The following HMCN2 variants were observed in gnomAD, a reference collection of about 807,000 sequenced individuals.
HMCN2 encodes the protein hemicentin 2.
HMCN2 carries 325 observed loss-of-function variants against 377.5 expected under a neutral mutation model. The ratio of observed to expected loss-of-function variants is 0.86; its 90% confidence interval spans 0.79 to 0.94. The LOEUF (loss-of-function observed/expected upper bound fraction) is 0.94. Ranked by LOEUF, HMCN2 falls within the 40% of genes least tolerant of loss-of-function variation. HMCN2 has a pLI of 0.00. For synonymous variants in HMCN2, 2,007 were observed against 2,046.8 expected (o/e 0.98, Z 0.53); for missense variants, 4,543 against 4,725.3 (o/e 0.96, Z 1.13).
intron 1 of HMCN2, among the ~76,000 whole-genome samples, chr9:130,267,519 G>A (rs549777388): frequency 6.6e-6 from 1 of 152,096 alleles, no homozygotes; most frequent in Admixed American, 6.5e-5. Flanking sequence ...GTGTTCTTGT[G>A]CTGAAGAAAT....
At chr9:130,373,687 G>A (rs9776496) in intron 48 of HMCN2, among the ~76,000 whole-genome samples, 68,671 of 117,974 alleles carry the variant, frequency 0.58, 22,917 homozygotes, top group Admixed American at 0.69. Context: ...ATGGATGGAT[G>A]GATAGATGGA....
Position 130,360,036 on chromosome 9 carries a change from G to A in HMCN2, c.5774-392G>A, listed in dbSNP as rs948242876. Among the ~76,000 whole-genome samples, 3 of 152,106 alleles carry A rather than the reference G, an allele frequency of 2.0e-5. No individual in the cohort carries two copies. The highest frequency in any genetic ancestry group is 7.2e-5 in the African/African-American group (3 of 41,390). ...TGTTCTCTAATGCCCCCTAGGGGAC[G>A]GGGTCTTCTGGTAGGGGGAGGGCAG... On this transcript the variant is annotated intron_variant, in intron 37 of 97. Transcript: ENST00000683500. This position sits in a 1 kb window ranked among gnomAD's most constrained non-coding sequence, Gnocchi z 4.7.
At chr9:130,427,157 G>T (rs1359915274) in intron 90 of HMCN2, among the ~76,000 whole-genome samples, 156 bp from the exon 91 acceptor site, 1 of 152,228 alleles carries the variant, frequency 6.6e-6, no homozygotes, top group Non-Finnish European at 1.5e-5. Context: ...CCTCCAACAG[G>T]CCTGGGCAGG....
Position 130,414,499 on chromosome 9 carries a change from A to G in HMCN2, c.12961+3847A>G, listed in dbSNP as rs1020178876. On this transcript the variant is annotated intron_variant, in intron 85 of 97. Transcript: ENST00000683500. The surrounding 1 kb of genome is among the most constrained non-coding windows in gnomAD (Gnocchi z 4.4). ...TCTTACAATACTGAAACTCACTTAC[A>G]CACCAGGAACAAGGAAAAGCTCAAC... Among the ~76,000 whole-genome samples, 1 of 152,192 alleles carries G rather than the reference A, an allele frequency of 6.6e-6. No homozygotes were observed. The highest frequency in any genetic ancestry group is 2.4e-5 in the African/African-American group (1 of 41,454).
chr9:130,358,138 C>A (rs1392009146), intron 35 of HMCN2, 150 bp downstream of exon 35: 15 of 736,144 alleles, frequency 2.0e-5, no homozygotes, highest in Non-Finnish European at 2.9e-5. Context: ...GAGCCTCAGC[C>A]TCTTCCGGGT....
In HMCN2 at chr9:130,354,814, T is replaced by C. The variant is rs911535244; in HGVS notation, c.4916T>C (p.Val1639Ala). 1.6e-5 allele frequency: 21 copies of C among 1,304,174 alleles called. No individual in the cohort carries two copies. In the African/African-American group the frequency reaches 2.4e-4, roughly 15 times the overall value. The allele number at this position is 1,304,174 out of a possible 1,614,324, so 80.8% of individuals were successfully genotyped here. A position where few individuals can be genotyped will look rare whatever the true frequency, so the allele number is the denominator to read the frequency against. ...GGAAGACCATACGTGGTGAAGGCTG[T>C]GGCTGGGAGGCCTGTGGCGCTGGAG... ...AGGRPYVVKAVAGRPVALECV... is the reference protein window; with the variant it reads ...AGGRPYVVKAAAGRPVALECV... Residue 1639 changes from valine to alanine, a missense_variant, in exon 32 of 98, where the codon GTG (valine) becomes GCG (alanine). Val to Ala is a moderately conservative substitution (Grantham distance 64, BLOSUM62 0). Around this residue, in one of 5 missense-constraint regions of HMCN2, gnomAD observed 1,032 missense variants for 1,285.1 expected, o/e 0.80. Coordinates refer to ENST00000683500, the MANE Select transcript of HMCN2 (RefSeq NM_001291815.2).
chr9:130,393,255 G>A lies in HMCN2; in HGVS notation c.10180G>A (p.Val3394Met). ...QLADAGIFTCVAASPAGVADR... is the reference protein window; with the variant it reads ...QLADAGIFTCMAASPAGVADR... ...GGCAGACGCTGGCATCTTCACCTGT[G>A]TGGCCGCAAGCCCAGCTGGCGTGGC... is the stretch of plus-strand genomic sequence containing the variant. The change falls in exon 67 of 98, where the codon GTG becomes ATG. Residue 3394 changes from valine (V) to methionine (M), a missense_variant. Physicochemically the swap from Val to Met is conservative, Grantham distance 21. This residue lies in a region of HMCN2 where 1,073 missense variants were observed against 1,319.5 expected (regional missense o/e 0.81). Transcript: ENST00000683500. The surrounding 1 kb of genome is among the most constrained non-coding windows in gnomAD (Gnocchi z 5.2). 1.0e-6 allele frequency: 1 copy of A among 988,590 alleles called. No individual in the cohort carries two copies. Among genetic ancestry groups the A allele is most frequent in the Non-Finnish European group, 1.2e-6 (1 of 830,484 alleles). 61.2% of individuals were successfully genotyped at this position (988,590 alleles called of 1,614,324 possible).
At chr9:130,392,324 G>T (rs1307551189) in intron 66 of HMCN2, among the ~76,000 whole-genome samples, 1 of 152,238 alleles carries the variant, frequency 6.6e-6, no homozygotes, top group African/African-American at 2.4e-5. Flanking sequence ...AGGAGGAGAT[G>T]CAGGAGAAGT....
intron 5 of HMCN2, 97 bp from the exon 6 acceptor site, chr9:130,295,569 C>T (rs1836082952): frequency 5.6e-6 from 2 of 359,796 alleles, no homozygotes; most frequent in Non-Finnish European, 1.1e-5. Context: ...AAGACTGAGG[C>T]TAGTGTTTGG....
chr9:130,314,857 T>G (rs1837448551), intron 15 of HMCN2, among the ~76,000 whole-genome samples: 1 of 152,108 alleles, frequency 6.6e-6, no homozygotes, highest in African/African-American at 2.4e-5. Context: ...GCCTTCCAGA[T>G]GGATAAACTG....
At chr9:130,283,053 A>G (rs1195446794) in intron 1 of HMCN2, among the ~76,000 whole-genome samples, 1 of 152,194 alleles carries the variant, frequency 6.6e-6, no homozygotes, top group Non-Finnish European at 1.5e-5. Context: ...CCTGGGCGAC[A>G]GAGCGAGACT....
At chr9:130,279,663 TTA>T (rs1835004379) in intron 1 of HMCN2, among the ~76,000 whole-genome samples, 1 of 152,168 alleles carries the variant, frequency 6.6e-6, no homozygotes, top group African/African-American at 2.4e-5. Flanking sequence ...CTCAACATTG[TTA>T]TGTTTGGCAC....
In HMCN2 at chr9:130,382,714, G is replaced by A; in HGVS notation, c.8581G>A (p.Val2861Met). 1.0e-6 allele frequency: 1 copy of A among 985,834 alleles called. No individual in the cohort carries two copies. Among genetic ancestry groups the A allele is most frequent in the South Asian group, 4.7e-5 (1 of 21,278 alleles). 61.1% of individuals were successfully genotyped at this position (985,834 alleles called of 1,614,324 possible). Reference sequence around the variant, plus strand: ...GATCCTGGGTGACACAGAGGAGCTGGTGGAAGAGGTGACAGTCAATGCCAG... The same window carrying A: ...GATCCTGGGTGACACAGAGGAGCTGATGGAAGAGGTGACAGTCAATGCCAG... Reference protein sequence around the residue: ...PVILGDTEELVEEVTVNASST... With the variant: ...PVILGDTEELMEEVTVNASST... Residue 2861 changes from valine (V) to methionine (M), a missense_variant, in exon 56 of 98, where the codon GTG (valine) becomes ATG (methionine). By Grantham distance (21) the Val-to-Met change is conservative (BLOSUM62 1). Coordinates refer to ENST00000683500, the MANE Select transcript of HMCN2 (RefSeq NM_001291815.2).
Position 130,270,279 on chromosome 9 carries a change from G to T in HMCN2, c.259+4142G>T, listed in dbSNP as rs368109722. On this transcript the variant is annotated intron_variant, in intron 1 of 97. Coordinates refer to ENST00000683500, the MANE Select transcript of HMCN2 (RefSeq NM_001291815.2). ...TTAGGTGCTTATAAAGGTTTTTTTT[G>T]TTTGTTTGTTTGTTTGTTTTTTTTT... 1.6e-3 allele frequency among the ~76,000 whole-genome samples: 194 copies of T among 118,494 alleles called. 16 individuals are homozygous for T. The highest frequency in any genetic ancestry group is 0.012 in the South Asian group (40 of 3,230). The allele number at this position is 118,494 out of a possible 152,430, so 77.7% of individuals were successfully genotyped here.
chr9:130,406,070 G>T lies in HMCN2; in HGVS notation c.12455G>T (p.Arg4152Leu). The change falls in exon 82 of 98, where the codon CGC (arginine) becomes CTC (leucine). Residue 4152 changes from arginine (R) to leucine (L), a missense_variant. Around this residue, in one of 5 missense-constraint regions of HMCN2, gnomAD observed 1,073 missense variants for 1,319.5 expected, o/e 0.81. Transcript: ENST00000683500. ...LPVFTTLPGD[R>L]SLRLGDRLWL... Reference sequence around the variant, plus strand: ...GTGTTCACCACCCTGCCTGGGGACCGCAGCCTGCGCCTTGGGGACAGGCTG... The same window carrying T: ...GTGTTCACCACCCTGCCTGGGGACCTCAGCCTGCGCCTTGGGGACAGGCTG... 3 of 1,289,850 alleles carry T rather than the reference G, an allele frequency of 2.3e-6. No homozygotes were observed. The highest frequency in any genetic ancestry group is 3.0e-6 in the Non-Finnish European group (3 of 988,864). 79.9% of individuals were successfully genotyped at this position (1,289,850 alleles called of 1,614,324 possible). A position where few individuals can be genotyped will look rare whatever the true frequency, so the allele number is the denominator to read the frequency against.
In HMCN2 at chr9:130,355,900, C is replaced by A. The variant is rs750892364; in HGVS notation, c.5255+46C>A. 5.2e-6 allele frequency: 6 copies of A among 1,162,760 alleles called. No homozygotes were observed. The African/African-American group carries it at 7.9e-5, about 15-fold the overall frequency. 72.0% of individuals were successfully genotyped at this position (1,162,760 alleles called of 1,614,324 possible). A position where few individuals can be genotyped will look rare whatever the true frequency, so the allele number is the denominator to read the frequency against. ...GCCAGGGCTGGGGGTAGGCAGAGAG[C>A]GTGTGCTTTGCGGATTGTGGGGGGA... On this transcript the variant is annotated intron_variant, in intron 33 of 97. Coordinates refer to ENST00000683500, the MANE Select transcript of HMCN2 (RefSeq NM_001291815.2).
chr9:130,424,068 C>T (rs1844174227), intron 87 of HMCN2, among the ~76,000 whole-genome samples: 1 of 151,762 alleles, frequency 6.6e-6, no homozygotes, highest in South Asian at 2.1e-4. Context: ...GCAGCCTCAA[C>T]CTCCCAGGCT....
rs1564806219 is a variant in HMCN2, at chr9:130,351,819, G to GA, written c.4585+242_4585+243insA. 1.3e-5 allele frequency among the ~76,000 whole-genome samples: 2 copies of GA among 149,722 alleles called. No individual in the cohort carries two copies. Among genetic ancestry groups the GA allele is most frequent in the Non-Finnish European group, 3.0e-5 (2 of 67,272 alleles). On this transcript the variant is annotated intron_variant, in intron 30 of 97. Coordinates refer to ENST00000683500, the MANE Select transcript of HMCN2 (RefSeq NM_001291815.2). The surrounding 1 kb of genome is among the most constrained non-coding windows in gnomAD (Gnocchi z 5.4). ...CCAGCTCTAAAAATTTACTACTTAT[G>GA]TTTTTTTTTTGAGATGAATTCTCTC...
chr9:130,407,234 G>T (rs112244239), intron 82 of HMCN2: 3,579 of 181,538 alleles, frequency 0.02, 152 homozygotes, highest in African/African-American at 0.08. Context: ...TGGGCAACAA[G>T]AGTGAAACTG....
Sources: gnomAD v4.1 joint callset for allele counts (sites outside exome capture counted in the v4.1 genomes callset) on GRCh38, gnomAD v4.1.1 for gene constraint, gnomAD v4.1.1 regional missense constraint, Gnocchi (gnomAD v3.1) non-coding constraint, MANE v1.5 for transcripts, NCBI Gene and HGNC (gene_info 2026-07-23, HGNC 2026-07-21) for gene names.